Variants in KAZN observed in about 807,000 individuals in gnomAD.
KAZN encodes kazrin, periplakin interacting protein, also known as kazrin.
In KAZN, 40 loss-of-function variants were observed where a neutral mutation model predicts 87.4. The ratio of observed to expected loss-of-function variants is 0.46; its 90% CI spans 0.36 to 0.60. KAZN has a LOEUF of 0.60. Ranked by LOEUF, KAZN falls within the 20% of genes least tolerant of loss-of-function variation. The pLI, the probability that KAZN is intolerant of heterozygous loss-of-function variation, is 0.00. For synonymous variants in KAZN, 466 were observed against 458.3 expected, an observed-to-expected ratio of 1.02 and a Z score of -0.22; for missense variants, 898 against 1,073.9, an observed-to-expected ratio of 0.84 and a Z score of 2.29.
intron 2 of KAZN, among the ~76,000 whole-genome samples, chr1:14,352,456 C>T (rs978926001): frequency 1.3e-5 from 2 of 152,146 alleles, no homozygotes; most frequent in African/African-American, 4.8e-5. Context: ...AAATTGATTA[C>T]TTTGCCTCAT....
chr1:14,669,834 A>G (rs909485288), intron 1 of KAZN, among the ~76,000 whole-genome samples: 5 of 152,168 alleles, frequency 3.3e-5, no homozygotes, highest in African/African-American at 1.2e-4. Flanking sequence ...AGCTGAAACC[A>G]TCCTTTGTAT....
At chr1:13,947,125 A>G (rs930674247) in intron 1 of KAZN, among the ~76,000 whole-genome samples, 3 of 152,154 alleles carry the variant, frequency 2.0e-5, no homozygotes, top group African/African-American at 7.2e-5. Flanking sequence ...TTGGTAATTC[A>G]TAAAGGAAAG....
intron 2 of KAZN, among the ~76,000 whole-genome samples, chr1:14,197,448 G>T (rs1646551130): frequency 6.6e-6 from 1 of 151,254 alleles, no homozygotes; most frequent in South Asian, 2.1e-4. Context: ...CAGCACTTTG[G>T]GAGGTGAATC....
At chr1:14,077,162 G>T (rs529645857) in intron 1 of KAZN, among the ~76,000 whole-genome samples, 2 of 152,262 alleles carry the variant, frequency 1.3e-5, no homozygotes, top group Admixed American at 1.3e-4. Context: ...GTTACATGGG[G>T]CTTTAGGCTG....
chr1:14,114,816 T>C (rs1359183779), intron 1 of KAZN, among the ~76,000 whole-genome samples: 1 of 152,190 alleles, frequency 6.6e-6, no homozygotes, highest in East Asian at 1.9e-4. Flanking sequence ...GCCCTCTAAC[T>C]CCATCCCCAC....
At chr1:14,466,516 G>T (rs1378654227) in intron 2 of KAZN, among the ~76,000 whole-genome samples, 1 of 151,998 alleles carries the variant, frequency 6.6e-6, no homozygotes, top group African/African-American at 2.4e-5. Flanking sequence ...AGGGGAGGGA[G>T]AGCATTAGGA....
chr1:14,405,605 A>AGTGTGT (rs1553167624), intron 2 of KAZN, among the ~76,000 whole-genome samples: 15 of 86,226 alleles, frequency 1.7e-4, no homozygotes, highest in Middle Eastern at 6.2e-3. Flanking sequence ...GACCCAATAA[A>AGTGTGT]ATGTGTGTGT....
chr1:14,209,310 C>T lies in KAZN; in HGVS notation c.249+28718C>T, dbSNP rs138031716. Among the ~76,000 whole-genome samples, 1,338 of 152,310 alleles carry T rather than the reference C, an allele frequency of 8.8e-3. 14 individuals are homozygous for T. Among genetic ancestry groups the T allele is most frequent in the African/African-American group, 0.031 (1,279 of 41,552 alleles). On this transcript the variant is annotated intron_variant, in intron 2 of 16. Transcript: ENST00000636203. ...TCACCCACCAGTTAGGTGACTTACT[C>T]GCTACTCCTTGGTGTGGCATGGGGG...
intron 1 of KAZN, among the ~76,000 whole-genome samples, chr1:13,974,581 A>G (rs1638227880): frequency 6.6e-6 from 1 of 152,186 alleles, no homozygotes; most frequent in Admixed American, 6.5e-5. Flanking sequence ...GGCAGACAGA[A>G]GAGGAGAAGA....
intron 1 of KAZN, among the ~76,000 whole-genome samples, chr1:14,906,314 A>G (rs1270812883): frequency 4.6e-5 from 7 of 152,184 alleles, no homozygotes; most frequent in Admixed American, 3.3e-4. Flanking sequence ...AAAGTATGCT[A>G]GGTGTTTTCT....
intron 1 of KAZN, among the ~76,000 whole-genome samples, chr1:14,670,514 C>T (rs1457922247): frequency 6.6e-6 from 1 of 152,168 alleles, no homozygotes; most frequent in Non-Finnish European, 1.5e-5. Context: ...TGATAGTATG[C>T]ATCAGAGTTA....
intron 2 of KAZN, among the ~76,000 whole-genome samples, chr1:14,462,398 G>A (rs1274961699): frequency 6.6e-6 from 1 of 152,018 alleles, no homozygotes; most frequent in Non-Finnish European, 1.5e-5. Context: ...TGTTCCACTT[G>A]TATATTTCAA....
chr1:14,018,386 T>A (rs564568490), intron 1 of KAZN, among the ~76,000 whole-genome samples: 1 of 152,314 alleles, frequency 6.6e-6, no homozygotes, highest in South Asian at 2.1e-4. Flanking sequence ...GGAGGGGTCT[T>A]ATCAATCTCC....
At chr1:14,114,228 A>T (rs927560048) in intron 1 of KAZN, among the ~76,000 whole-genome samples, 4 of 152,178 alleles carry the variant, frequency 2.6e-5, no homozygotes, top group African/African-American at 7.2e-5. Context: ...TTCAGGCTAC[A>T]CAGACAAGTG....
intron 1 of KAZN, among the ~76,000 whole-genome samples, chr1:14,830,320 G>T (rs1350475268): frequency 6.6e-6 from 1 of 152,170 alleles, no homozygotes; most frequent in Admixed American, 6.5e-5. Context: ...CCCAGCAAAG[G>T]TCCTAGGAGA....
chr1:15,021,389 C>T lies in KAZN; in HGVS notation c.419-13360C>T, dbSNP rs1670653475. 6.6e-6 allele frequency among the ~76,000 whole-genome samples: 1 copy of T among 152,190 alleles called. No homozygotes were observed. The highest frequency in any genetic ancestry group is 2.4e-5 in the African/African-American group (1 of 41,444). On this transcript the variant is annotated intron_variant, in intron 2 of 14. Coordinates refer to ENST00000376030, the MANE Select transcript of KAZN (RefSeq NM_201628.3). This position sits in a 1 kb window ranked among gnomAD's most constrained non-coding sequence, Gnocchi z 4.2. Reference sequence around the variant, plus strand: ...CCTAGGGAATGTCCGTGTTCCGGGCCCATTCCCTGCCACTATTTTTAGTGG... The same window carrying T: ...CCTAGGGAATGTCCGTGTTCCGGGCTCATTCCCTGCCACTATTTTTAGTGG...
At chr1:14,938,945 G>A (rs1660756425) in intron 1 of KAZN, among the ~76,000 whole-genome samples, 2 of 152,098 alleles carry the variant, frequency 1.3e-5, no homozygotes, top group African/African-American at 2.4e-5. Context: ...AGATAATGAT[G>A]TTTATTTATT....
chr1:14,901,314 T>C (rs1033858361), intron 1 of KAZN, among the ~76,000 whole-genome samples: 2 of 152,058 alleles, frequency 1.3e-5, no homozygotes, highest in African/African-American at 4.8e-5. Context: ...AGTTACGGGA[T>C]AACAAGAAGC....
At chr1:14,205,434 T>C (rs1646719099) in intron 2 of KAZN, among the ~76,000 whole-genome samples, 1 of 152,190 alleles carries the variant, frequency 6.6e-6, no homozygotes, top group South Asian at 2.1e-4. Flanking sequence ...TGTATGGCAA[T>C]TCCCATTGTT....
Sources: gnomAD v4.1 joint callset for allele counts (sites outside exome capture counted in the v4.1 genomes callset) on GRCh38, gnomAD v4.1.1 for gene constraint, Gnocchi (gnomAD v3.1) non-coding constraint, MANE v1.5 for transcripts, NCBI Gene and HGNC (gene_info 2026-07-23, HGNC 2026-07-21) for gene names.